NAV2: variants seen among roughly 807,000 people sequenced by gnomAD.
NAV2 encodes helicase, APC down-regulated 1.
NAV2 carries 54 observed loss-of-function variants against 223.2 expected under a neutral mutation model. The observed-to-expected ratio is 0.24, with a 90% CI of 0.19 to 0.30. The LOEUF is 0.30. NAV2 is among the 10% of genes least tolerant of loss of function. The pLI is 1.00. For synonymous variants in NAV2, 1,279 were observed against 1,239.3 expected, an observed-to-expected ratio of 1.03 and a Z score of -0.67; for missense variants, 2,806 against 3,147.5, an observed-to-expected ratio of 0.89 and a Z score of 2.60.
chr11:19,594,444 T>A (rs1295541384), intron 1 of NAV2, among the ~76,000 whole-genome samples: 3 of 151,492 alleles, frequency 2.0e-5, no homozygotes, highest in East Asian at 3.9e-4. Flanking sequence ...TTTTTTTTTT[T>A]AAAGAAGGGA....
intron 1 of NAV2, among the ~76,000 whole-genome samples, chr11:19,459,503 C>G (rs78257575): frequency 2.5e-3 from 374 of 152,262 alleles, no homozygotes; most frequent in African/African-American, 8.4e-3. Flanking sequence ...ATCAGCCAGG[C>G]CTGGTCATGA....
chr11:20,028,873 C>T lies in NAV2; in HGVS notation c.2769-7086C>T, dbSNP rs551088514. On this transcript the variant is annotated intron_variant, in intron 11 of 37. Coordinates refer to ENST00000349880, the MANE Select transcript of NAV2 (RefSeq NM_145117.5). Reference sequence around the variant, plus strand: ...CACTCTATTGTGAGTTGAGTTGTAACGCCTCTATACCAGAGTTTGCAAACT... The same window carrying T: ...CACTCTATTGTGAGTTGAGTTGTAATGCCTCTATACCAGAGTTTGCAAACT... Among the ~76,000 whole-genome samples the T allele has an allele frequency of 6.6e-5, 10 of 152,270 alleles. No homozygotes were observed. In the South Asian group the frequency reaches 1.9e-3, roughly 28 times the overall value.
chr11:20,023,704 GTGT>G (rs1222606470), intron 11 of NAV2, among the ~76,000 whole-genome samples: 2 of 143,340 alleles, frequency 1.4e-5, no homozygotes, highest in Non-Finnish European at 3.1e-5. Flanking sequence ...TGCTGGGTGT[GTGT>G]GTGTGTGTGT....
intron 4 of NAV2, among the ~76,000 whole-genome samples, chr11:19,877,470 C>CTTTTTTTTTTTTTTTCTTTTTTCTTTTCT (rs2062911697): frequency 4.1e-4 from 34 of 82,598 alleles, no homozygotes; most frequent in East Asian, 1.7e-3. Context: ...TATCTTCATT[C>CTTTTTTTTTTTTTTTCTTTTTTCTTTTCT]TTTTTTTTTT....
At chr11:19,442,096 G>A (rs993071744) in intron 1 of NAV2, among the ~76,000 whole-genome samples, 1 of 152,340 alleles carries the variant, frequency 6.6e-6, no homozygotes, top group Non-Finnish European at 1.5e-5. Context: ...TCCTGGTCTA[G>A]CAATCTCCAG....
At chr11:19,761,153 C>T (rs908623460) in intron 1 of NAV2, among the ~76,000 whole-genome samples, 1 of 152,062 alleles carries the variant, frequency 6.6e-6, no homozygotes, top group Non-Finnish European at 1.5e-5. Context: ...CTATGGATGT[C>T]CAGAATGCCA....
intron 1 of NAV2, among the ~76,000 whole-genome samples, chr11:19,700,349 T>G (rs763788302): frequency 1.4e-4 from 22 of 152,094 alleles, no homozygotes; most frequent in Non-Finnish European, 3.1e-4. Context: ...ACGTATGCAA[T>G]CAAATTCCAA....
intron 1 of NAV2, among the ~76,000 whole-genome samples, chr11:19,389,917 G>A (rs1327500107): frequency 2.6e-5 from 4 of 152,182 alleles, no homozygotes; most frequent in East Asian, 1.9e-4. Context: ...GAAAACTGTG[G>A]CCTCAGTTCG....
At chr11:19,515,207 A>T (rs551608598) in intron 1 of NAV2, among the ~76,000 whole-genome samples, 1 of 152,348 alleles carries the variant, frequency 6.6e-6, no homozygotes, top group African/African-American at 2.4e-5. Flanking sequence ...TTTATAAAGC[A>T]CATAGCACAA....
chr11:20,046,065 G>T (rs11025363), intron 14 of NAV2, among the ~76,000 whole-genome samples: 56 of 152,010 alleles, frequency 3.7e-4, no homozygotes, highest in African/African-American at 1.4e-3. Context: ...GCTGGGCACC[G>T]TGGCTCACGC....
intron 11 of NAV2, among the ~76,000 whole-genome samples, chr11:20,034,208 A>G (rs1347241737): frequency 6.7e-6 from 1 of 148,984 alleles, no homozygotes; most frequent in African/African-American, 2.5e-5. Flanking sequence ...ATTTTTTTCT[A>G]AGCCTCACTT....
rs150193833 is a variant in NAV2 at position 20,102,249 on chromosome 11, GC to G, written c.6418-1005del. Among the ~76,000 whole-genome samples, 457 of 152,256 alleles carry G rather than the reference GC, an allele frequency of 3.0e-3. 3 individuals carry two copies. The highest frequency in any genetic ancestry group is 0.01 in the African/African-American group (431 of 41,570). On this transcript the variant is annotated intron_variant, in intron 32 of 37. Transcript: ENST00000349880. ...GAGAACTAGCCACTTTAAAAGGTGGGCTTTTTCTACTGCTAACAAGACATAT... is the reference window on the plus strand; with the variant it reads ...GAGAACTAGCCACTTTAAAAGGTGGGTTTTTCTACTGCTAACAAGACATAT...
intron 1 of NAV2, among the ~76,000 whole-genome samples, chr11:19,378,816 A>G (rs1272937574): frequency 6.6e-6 from 1 of 152,118 alleles, no homozygotes; most frequent in African/African-American, 2.4e-5. Context: ...CGTTGGGTCC[A>G]CAAGGCAGGT....
At chr11:19,688,580 T>C (rs2096768117) in intron 1 of NAV2, among the ~76,000 whole-genome samples, 1 of 152,214 alleles carries the variant, frequency 6.6e-6, no homozygotes, top group Admixed American at 6.5e-5. Context: ...ATAATATTCA[T>C]ATGCTCTTTT....
intron 11 of NAV2, among the ~76,000 whole-genome samples, chr11:20,030,785 C>T (rs2055643382): frequency 6.6e-6 from 1 of 152,156 alleles, no homozygotes; most frequent in Non-Finnish European, 1.5e-5. Flanking sequence ...CAACCGTAAT[C>T]CAATTCTTAA....
intron 17 of NAV2, among the ~76,000 whole-genome samples, chr11:20,053,382 T>C (rs1009971374): frequency 2.4e-4 from 37 of 152,188 alleles, no homozygotes; most frequent in African/African-American, 8.7e-4. Flanking sequence ...AATAATGGCA[T>C]CTGCATTGCT....
intron 1 of NAV2, chr11:19,519,841 A>G (rs2043585964): frequency 6.6e-6 from 1 of 152,190 alleles, no homozygotes; most frequent in South Asian, 2.1e-4. Flanking sequence ...ACAAACACCA[A>G]CTGGGCCTCT....
At chr11:19,849,320 A>T (rs1324862090) in intron 3 of NAV2, among the ~76,000 whole-genome samples, 1 of 152,186 alleles carries the variant, frequency 6.6e-6, no homozygotes, top group East Asian at 1.9e-4. Flanking sequence ...CTTAGTTTTC[A>T]TCTGCAGCTA....
chr11:19,692,878 C>T (rs990594869), intron 1 of NAV2, among the ~76,000 whole-genome samples: 2 of 152,332 alleles, frequency 1.3e-5, no homozygotes, highest in African/African-American at 4.8e-5. Flanking sequence ...ATAGCATATA[C>T]ATTATACCAG....
Sources: gnomAD v4.1 joint callset for allele counts (sites outside exome capture counted in the v4.1 genomes callset) on GRCh38, gnomAD v4.1.1 for gene constraint, MANE v1.5 for transcripts, NCBI Gene and HGNC (gene_info 2026-07-23, HGNC 2026-07-21) for gene names.